The following LARS2 variants were observed in gnomAD, a reference collection of about 807,000 sequenced individuals.
The protein encoded by LARS2 is leucine--tRNA ligase, mitochondrial.
A neutral mutation model predicts 116.6 loss-of-function variants in LARS2; 81 were observed. The ratio of observed to expected loss-of-function variants is 0.69; its 90% confidence interval spans 0.58 to 0.84. The LOEUF (loss-of-function observed/expected upper bound fraction) is 0.84, where lower values mean the gene tolerates loss of function less well. LARS2 is among the 40% of genes least tolerant of loss of function. LARS2 has a pLI of 0.00. For missense variants in LARS2, 968 were observed against 1,114.5 expected, an observed-to-expected ratio of 0.87 and a Z score of 1.87; for synonymous variants, 396 against 407.2, an observed-to-expected ratio of 0.97 and a Z score of 0.33.
intron 4 of LARS2, among the ~76,000 whole-genome samples, chr3:45,415,858 AAAAT>A (rs766218406): frequency 0.23 from 22,534 of 99,948 alleles, 2,640 homozygotes; most frequent in Non-Finnish European, 0.3. Context: ...AAAAAAAAAA[AAAAT>A]ATATATATAT....
At chr3:45,391,810 ATT>A (rs1235442367) in intron 2 of LARS2, among the ~76,000 whole-genome samples, 162 bp downstream of exon 2, 1 of 152,248 alleles carries the variant, frequency 6.6e-6, no homozygotes, top group Non-Finnish European at 1.5e-5. Flanking sequence ...AGCAGAGGTC[ATT>A]AGTAAGCCAG....
intron 3 of LARS2, among the ~76,000 whole-genome samples, chr3:45,395,732 G>C (rs531181989): frequency 1.3e-5 from 2 of 152,238 alleles, no homozygotes; most frequent in Admixed American, 1.3e-4. Flanking sequence ...CTGTGAGATT[G>C]GTGGTTATGA....
At chr3:45,429,698 CTTTTTTTTTT>C (rs35874596) in intron 6 of LARS2, among the ~76,000 whole-genome samples, 1 of 108,140 alleles carries the variant, frequency 9.2e-6, no homozygotes, top group South Asian at 3.2e-4. Context: ...CATCCTTCTG[CTTTTTTTTTT>C]TTTTTTTTTT....
intron 1 of LARS2, among the ~76,000 whole-genome samples, chr3:45,391,228 G>A (rs1697941002): frequency 6.6e-6 from 1 of 151,936 alleles, no homozygotes; most frequent in Admixed American, 6.6e-5. Flanking sequence ...GTTCACGCCT[G>A]TAATCCCAGC....
chr3:45,415,174 C>G (rs1365941571), intron 4 of LARS2, among the ~76,000 whole-genome samples: 8 of 152,170 alleles, frequency 5.3e-5, no homozygotes, highest in Non-Finnish European at 8.8e-5. Flanking sequence ...ACTCCTCACT[C>G]CTGCTGGGCC....
chr3:45,500,743 C>T (rs1002359098), intron 15 of LARS2, among the ~76,000 whole-genome samples, 164 bp downstream of exon 15: 2 of 152,166 alleles, frequency 1.3e-5, no homozygotes, highest in African/African-American at 2.4e-5. Flanking sequence ...ATTTATATTG[C>T]GTAGTCAGTT....
At chr3:45,507,234 G>A (rs900015117) in intron 15 of LARS2, among the ~76,000 whole-genome samples, 4 of 150,636 alleles carry the variant, frequency 2.7e-5, no homozygotes, top group Admixed American at 2.7e-4. Flanking sequence ...CCATTTCTAT[G>A]ATTTTAAAAA....
chr3:45,427,816 C>CT (rs935071639), intron 6 of LARS2, among the ~76,000 whole-genome samples: 4 of 123,734 alleles, frequency 3.2e-5, no homozygotes, highest in South Asian at 2.7e-4. Context: ...CCTTGTTTTC[C>CT]TTTTTTTTCT....
chr3:45,407,045 C>T (rs1278012307), intron 4 of LARS2, among the ~76,000 whole-genome samples: 2 of 152,152 alleles, frequency 1.3e-5, no homozygotes, highest in Non-Finnish European at 2.9e-5. Context: ...CAGAGTTGGG[C>T]TTGGAATAAT....
chr3:45,539,024 T>C (rs1238544231), intron 20 of LARS2, among the ~76,000 whole-genome samples: 2 of 152,140 alleles, frequency 1.3e-5, no homozygotes, highest in Non-Finnish European at 2.9e-5. Context: ...AAGTGAACAG[T>C]TTTTGAAACA....
At chr3:45,474,212 C>T (rs1699575972) in intron 8 of LARS2, 31 bp from the exon 9 acceptor site, 2 of 1,417,692 alleles carry the variant, frequency 1.4e-6, no homozygotes, top group Non-Finnish European at 2.0e-6. Context: ...CCTTGTGCCT[C>T]TACTTCTTTG....
At chr3:45,415,893 G>GGAGAGAGAGAGA in intron 4 of LARS2, among the ~76,000 whole-genome samples, 1 of 69,854 alleles carries the variant, frequency 1.4e-5, no homozygotes, top group Admixed American at 1.3e-4. Context: ...AGAGAGAGAG[G>GGAGAGAGAGAGA]GAGAGAGAGA....
At position 45,541,954 on chromosome 3, in the gene LARS2, C is replaced by G. The variant is rs1313617588; in HGVS notation, c.2530C>G (p.Leu844Val). Residue 844 changes from leucine to valine, a missense_variant and splice_region_variant, in exon 21 of 22, where the codon CTG becomes GTG. By Grantham distance (32) the Leu-to-Val change is conservative. Coordinates refer to ENST00000645846, the MANE Select transcript of LARS2 (RefSeq NM_015340.4). ...GCCTGAGGTTGTCCAGATGGCAGTT[C>G]TGGTAAGTATCTCCCCTCAACCCCA... ...QQPEVVQMAV[L>V]INNKACGKIP... 6.2e-7 allele frequency: 1 copy of G among 1,614,062 alleles called. No individual in the cohort carries two copies. Among genetic ancestry groups the G allele is most frequent in the Non-Finnish European group, 8.5e-7 (1 of 1,180,020 alleles).
intron 6 of LARS2, among the ~76,000 whole-genome samples, chr3:45,437,089 A>G (rs1698821495): frequency 6.6e-6 from 1 of 152,236 alleles, no homozygotes. Context: ...TTAAAACTGC[A>G]AAGACCATGA....
At chr3:45,542,432 G>A (rs989772465) in intron 21 of LARS2, among the ~76,000 whole-genome samples, 1 of 152,058 alleles carries the variant, frequency 6.6e-6, no homozygotes, top group African/African-American at 2.4e-5. Flanking sequence ...TACATAAGAG[G>A]AGTTTATCGT....
chr3:45,504,781 T>C (rs1445824617), intron 15 of LARS2, among the ~76,000 whole-genome samples: 1 of 151,690 alleles, frequency 6.6e-6, no homozygotes, highest in African/African-American at 2.4e-5. Context: ...GTTTTTTTTT[T>C]TAAGAAATTG....
intron 20 of LARS2, chr3:45,541,591 G>A: frequency 1.9e-6 from 1 of 520,558 alleles, no homozygotes; most frequent in Non-Finnish European, 3.4e-6. Context: ...ACTTTAGAAT[G>A]GCTTATCCAT....
At chr3:45,389,616 G>A (rs1409378411) in intron 1 of LARS2, among the ~76,000 whole-genome samples, 5 of 152,200 alleles carry the variant, frequency 3.3e-5, no homozygotes, top group Non-Finnish European at 7.3e-5. Flanking sequence ...GAGGGGTGGA[G>A]TAGTGGGAAT....
At chr3:45,496,148 C>A in intron 13 of LARS2, 127 bp from the exon 14 acceptor site, 1 of 723,440 alleles carries the variant, frequency 1.4e-6, no homozygotes, top group South Asian at 1.7e-5. Flanking sequence ...CGTGAGCCAC[C>A]ACACCCAGCC....
Sources: allele counts gnomAD v4.1 joint callset (sites outside exome capture counted in the v4.1 genomes callset), GRCh38; gene constraint gnomAD v4.1.1; transcripts MANE v1.5; gene names NCBI Gene and HGNC (gene_info 2026-07-23, HGNC 2026-07-21).